MCM8: variants seen among roughly 807,000 people sequenced by gnomAD.
MCM8 encodes DNA helicase MCM8.
MCM8 carries 85 observed loss-of-function variants against 98.9 expected under a neutral mutation model. That is an observed-to-expected ratio of 0.86 (90% confidence interval 0.72 to 1.03). MCM8 has a LOEUF of 1.03. MCM8 is among the 50% of genes least tolerant of loss of function. The pLI, the probability that MCM8 is intolerant of heterozygous loss-of-function variation, is 0.00. For synonymous variants in MCM8, 352 were observed against 338.6 expected (o/e 1.04, Z -0.44); for missense variants, 951 against 997.8 (o/e 0.95, Z 0.63).
At chr20:5,962,352 CTTTTTTTTTTTTTTTTTTTT>C (rs926577182) in intron 7 of MCM8, among the ~76,000 whole-genome samples, 1 of 40,572 alleles carries the variant, frequency 2.5e-5, no homozygotes, top group Non-Finnish European at 3.5e-5. Context: ...GCCTTCATTT[CTTTTTTTTTTTTTTTTTTTT>C]TTTTTTTTTT....
intron 10 of MCM8, among the ~76,000 whole-genome samples, chr20:5,969,456 A>T (rs1363166602): frequency 2.0e-5 from 3 of 152,188 alleles, no homozygotes; most frequent in South Asian, 4.1e-4. Context: ...GCTGGGCATG[A>T]TGGCAGGTGC....
intron 9 of MCM8, 68 bp from the exon 10 acceptor site, chr20:5,967,762 A>G: frequency 7.1e-7 from 1 of 1,405,480 alleles, no homozygotes; most frequent in Non-Finnish European, 9.6e-7. Context: ...TTTGTTTTAT[A>G]TTCTAGTTGA....
At chr20:5,980,426 C>T (rs1440654290) in intron 13 of MCM8, among the ~76,000 whole-genome samples, 2 of 151,828 alleles carry the variant, frequency 1.3e-5, no homozygotes, top group Non-Finnish European at 2.9e-5. Flanking sequence ...GCATTTATAT[C>T]TAGTAAATAT....
At chr20:5,974,471 T>G (rs569367300) in intron 12 of MCM8, among the ~76,000 whole-genome samples, 1 of 152,234 alleles carries the variant, frequency 6.6e-6, no homozygotes, top group Non-Finnish European at 1.5e-5. Flanking sequence ...CTTCACTCGA[T>G]GTGGAAAATT....
Position 5,994,811 on chromosome 20 carries a change from A to T in MCM8, c.*420A>T. The stretch of plus-strand genomic sequence containing the variant: ...ATAGTCTCAGCTACTTGTGAGGCTG[A>T]GGCAGGAGGATTCTTTGAGCCCAGG... On this transcript the variant is annotated 3_prime_UTR_variant, in exon 19 of 19. Transcript: ENST00000610722. The T allele has an allele frequency of 2.4e-6, 1 of 424,220 alleles. No individual in the cohort carries two copies. Among genetic ancestry groups the T allele is most frequent in the African/African-American group, 2.1e-5 (1 of 48,354 alleles). 26.3% of individuals were successfully genotyped at this position (424,220 alleles called of 1,614,324 possible).
At chr20:5,985,565 GAC>G (rs1435404605) in intron 15 of MCM8, among the ~76,000 whole-genome samples, 1 of 151,744 alleles carries the variant, frequency 6.6e-6, no homozygotes, top group East Asian at 1.9e-4. Flanking sequence ...TTTATTCTGA[GAC>G]ATAGTCTCAC....
At chr20:5,964,604 G>A (rs1327128788) in intron 8 of MCM8, 1 of 152,134 alleles carries the variant, frequency 6.6e-6, no homozygotes, top group Non-Finnish European at 1.5e-5. Flanking sequence ...CAAACTTCTT[G>A]TTCTACTCTT....
At chr20:5,971,902 T>G in intron 10 of MCM8, 105 bp from the exon 11 acceptor site, 2 of 892,660 alleles carry the variant, frequency 2.2e-6, no homozygotes, top group Non-Finnish European at 3.5e-6. Flanking sequence ...ATTTTTTACA[T>G]TTGTCTTTGT....
intron 1 of MCM8, 52 bp from the exon 2 acceptor site, chr20:5,951,959 C>G: frequency 1.3e-6 from 2 of 1,539,212 alleles, no homozygotes; most frequent in Non-Finnish European, 1.8e-6. Context: ...TTTTTAAGAG[C>G]ACTATTTTCC....
intron 8 of MCM8, among the ~76,000 whole-genome samples, chr20:5,963,942 G>T (rs1183515530): frequency 2.0e-5 from 3 of 152,154 alleles, no homozygotes; most frequent in Non-Finnish European, 4.4e-5. Context: ...TCAATTATGT[G>T]ATTAATTGAA....
In MCM8 at chr20:5,967,815, A is replaced by G. The variant is rs762886854; in HGVS notation, c.1028-15A>G. ...GAAAATACCAACTATTGTATTTAAC[A>G]CTTTTAATTTACAGGTTCTCGAAAT... On this transcript the variant is annotated splice_polypyrimidine_tract_variant and intron_variant, in intron 9 of 18. Transcript: ENST00000610722. 6.3e-7 allele frequency: 1 copy of G among 1,588,892 alleles called. No homozygotes were observed. Among genetic ancestry groups the G allele is most frequent in the Non-Finnish European group, 8.6e-7 (1 of 1,164,772 alleles).
At chr20:5,957,826 T>C (rs946442360) in intron 6 of MCM8, among the ~76,000 whole-genome samples, 1 of 152,238 alleles carries the variant, frequency 6.6e-6, no homozygotes, top group Admixed American at 6.5e-5. Context: ...TTTCTTGAAT[T>C]CATCTTTAAG....
At chr20:5,985,183 T>G (rs992607230) in intron 15 of MCM8, among the ~76,000 whole-genome samples, 183 bp downstream of exon 15, 2 of 152,144 alleles carry the variant, frequency 1.3e-5, no homozygotes, top group African/African-American at 4.8e-5. Context: ...TGGTGGCTTA[T>G]GCCGGTAATC....
At chr20:5,982,256 T>C (rs142904918) in intron 13 of MCM8, among the ~76,000 whole-genome samples, 1 of 152,304 alleles carries the variant, frequency 6.6e-6, no homozygotes, top group East Asian at 1.9e-4. Flanking sequence ...CAGCAGTTAT[T>C]TTCCATATAC....
chr20:5,955,186 A>C lies in MCM8; in HGVS notation c.421A>C (p.Ile141Leu). 6.2e-7 allele frequency: 1 copy of C among 1,613,990 alleles called. No homozygotes were observed. Among genetic ancestry groups the C allele is most frequent in the East Asian group, 2.2e-5 (1 of 44,850 alleles). ...GGEVTNLIPD[I>L]ATELRDAPEK... ...TGAAGTAACTAACTTGATACCAGAT[A>C]TAGCAACTGAACTAAGAGATGCACC... is the stretch of plus-strand genomic sequence containing the variant. Residue 141 changes from isoleucine to leucine, a missense_variant, in exon 5 of 19, where the codon ATA becomes CTA. Physicochemically the swap from Ile to Leu is conservative, Grantham distance 5. Transcript: ENST00000610722.
chr20:5,958,718 C>G lies in MCM8; in HGVS notation c.781C>G (p.Pro261Ala), dbSNP rs1452180715. The change falls in exon 7 of 19, where the codon CCC becomes GCC. Residue 261 changes from proline to alanine, a missense_variant. Pro to Ala is a conservative substitution (Grantham distance 27). Transcript: ENST00000610722. The stretch of plus-strand genomic sequence containing the variant: ...TCTTCCAGATGGAAAATACAGTCTT[C>G]CCACAAAGGTAATACGTTCTTTAAC... Reference protein sequence around the residue: ...FPLPDGKYSLPTKCPVPVCRG... With the variant: ...FPLPDGKYSLATKCPVPVCRG... 2 of 1,614,028 alleles carry G rather than the reference C, an allele frequency of 1.2e-6. No homozygotes were observed. Among genetic ancestry groups the G allele is most frequent in the Non-Finnish European group, 1.7e-6 (2 of 1,179,916 alleles).
intron 18 of MCM8, among the ~76,000 whole-genome samples, chr20:5,994,080 G>T (rs1047137924): frequency 2.0e-5 from 3 of 151,984 alleles, no homozygotes; most frequent in Admixed American, 6.6e-5. Context: ...TAAAACAAAT[G>T]TAAAATATTC....
At position 5,994,492 on chromosome 20, in the gene MCM8, C is replaced by G. The variant is rs905207625; in HGVS notation, c.*101C>G. Reference sequence around the variant, plus strand: ...ACAGACAGACAGACACACACACACACACACACACACACACACACACACACA... The same window carrying G: ...ACAGACAGACAGACACACACACACAGACACACACACACACACACACACACA... On this transcript the variant is annotated 3_prime_UTR_variant, in exon 19 of 19. Transcript: ENST00000610722. 11 of 575,276 alleles carry G rather than the reference C, an allele frequency of 1.9e-5. No individual in the cohort carries two copies. The highest frequency in any genetic ancestry group is 1.8e-4 in the African/African-American group (9 of 49,432). The allele number at this position is 575,276 out of a possible 1,614,324, so 35.6% of individuals were successfully genotyped here.
intron 3 of MCM8, among the ~76,000 whole-genome samples, chr20:5,953,438 G>GGTGTGTGTGTGTGT (rs11470045): frequency 1.9e-4 from 28 of 146,294 alleles, no homozygotes; most frequent in African/African-American, 6.1e-4. Flanking sequence ...TCTCATGAGG[G>GGTGTGTGTGTGTGT]GTGTGTGTGT....
Sources: allele counts gnomAD v4.1 joint callset (sites outside exome capture counted in the v4.1 genomes callset), GRCh38; gene constraint gnomAD v4.1.1; transcripts MANE v1.5; gene names NCBI Gene and HGNC (gene_info 2026-07-23, HGNC 2026-07-21).